The following NCOA2 variants were observed in gnomAD, a reference collection of about 807,000 sequenced individuals.
NCOA2 encodes the protein class E basic helix-loop-helix protein 75.
Under a neutral mutation model 145.1 loss-of-function variants are expected in NCOA2, and 21 were observed. The observed-to-expected ratio is 0.14, with a 90% CI of 0.10 to 0.21. The LOEUF (loss-of-function observed/expected upper bound fraction) is 0.21. Among genes scored for constraint, NCOA2 ranks in the 10% least tolerant of loss-of-function variants. The pLI is 1.00. For synonymous variants in NCOA2, 619 were observed against 637.5 expected (o/e 0.97, Z 0.44); for missense variants, 1,472 against 1,837.6 (o/e 0.80, Z 3.64).
chr8:70,242,588 G>A (rs1445726588), intron 2 of NCOA2, among the ~76,000 whole-genome samples: 1 of 152,114 alleles, frequency 6.6e-6, no homozygotes, highest in Non-Finnish European at 1.5e-5. Context: ...AATTTTTAGA[G>A]CAAATCCTAT....
At position 70,148,427 on chromosome 8, in the gene NCOA2, T is replaced by A; in HGVS notation, c.2451A>T (p.Gln817His). Residue 817 changes from glutamine to histidine, a missense_variant, in exon 12 of 23, where the codon CAA becomes CAT. This residue lies in a region of NCOA2 where 953 missense variants were observed against 1,062.1 expected (regional missense o/e 0.90). Transcript: ENST00000452400. ...EEILDDLQNS[Q>H]LPQLFPDTRP... Reference sequence around the variant, plus strand: ...TCGTGTCTGGGAAAAGCTGTGGTAATTGACTATTCTGCAAATCATCCAAAA... The same window carrying A: ...TCGTGTCTGGGAAAAGCTGTGGTAAATGACTATTCTGCAAATCATCCAAAA... 1 of 1,613,882 alleles carries A rather than the reference T, an allele frequency of 6.2e-7. No individual in the cohort carries two copies. Among genetic ancestry groups the A allele is most frequent in the South Asian group, 1.1e-5 (1 of 91,080 alleles).
At chr8:70,347,255 C>G (rs955121551) in intron 1 of NCOA2, among the ~76,000 whole-genome samples, 8 of 151,972 alleles carry the variant, frequency 5.3e-5, no homozygotes, top group African/African-American at 1.9e-4. Context: ...GAGGCTGAAG[C>G]AGACAGATCA....
At chr8:70,193,327 T>C (rs565005332) in intron 4 of NCOA2, among the ~76,000 whole-genome samples, 12 of 152,228 alleles carry the variant, frequency 7.9e-5, no homozygotes, top group African/African-American at 2.9e-4. Context: ...ATACCCTCCA[T>C]TCTGAACAAT....
At chr8:70,389,497 C>T (rs908767748) in intron 1 of NCOA2, among the ~76,000 whole-genome samples, 11 of 152,090 alleles carry the variant, frequency 7.2e-5, no homozygotes, top group African/African-American at 2.7e-4. Context: ...TCAGGCTGGT[C>T]TCGAACTCCC....
At chr8:70,214,292 A>G (rs1345423687) in intron 3 of NCOA2, among the ~76,000 whole-genome samples, 1 of 152,186 alleles carries the variant, frequency 6.6e-6, no homozygotes, top group Non-Finnish European at 1.5e-5. Flanking sequence ...TATCTGTTCA[A>G]TGTGTTTGGC....
chr8:70,425,997 C>T, the NCOA2 span, among the ~76,000 whole-genome samples: 1 of 152,200 alleles, frequency 6.6e-6, no homozygotes, highest in South Asian at 2.1e-4. Context: ...GGATCACTGT[C>T]TTCATTTCCC....
In NCOA2 at chr8:70,128,892, G is replaced by A. The variant is rs1407543180; in HGVS notation, c.3413C>T (p.Ala1138Val). 3.7e-6 allele frequency: 6 copies of A among 1,613,780 alleles called. No individual in the cohort carries two copies. The highest frequency in any genetic ancestry group is 5.1e-6 in the Non-Finnish European group (6 of 1,179,778). ...ACCCTGGGCCATTTGTGCCTGAGATGCATACTGCTGTGGGAAAACGGGCGC... is the reference window on the plus strand; with the variant it reads ...ACCCTGGGCCATTTGTGCCTGAGATACATACTGCTGTGGGAAAACGGGCGC... The part of the protein sequence containing the change: ...QKAPVFPQQY[A>V]SQAQMAQGSY... The change falls in exon 17 of 23, where the codon GCA becomes GTA. Residue 1138 changes from alanine (A) to valine (V), a missense_variant. This residue lies in a region of NCOA2 where 953 missense variants were observed against 1,062.1 expected (regional missense o/e 0.90). Transcript: ENST00000452400.
At chr8:70,220,221 A>G (rs1040607334) in intron 2 of NCOA2, among the ~76,000 whole-genome samples, 1 of 152,226 alleles carries the variant, frequency 6.6e-6, no homozygotes, top group Non-Finnish European at 1.5e-5. Flanking sequence ...ATAGTTTCTT[A>G]TAATTTCTGC....
At chr8:70,299,375 T>C (rs987709170) in intron 1 of NCOA2, among the ~76,000 whole-genome samples, 4 of 152,172 alleles carry the variant, frequency 2.6e-5, no homozygotes, top group Non-Finnish European at 4.4e-5. Flanking sequence ...TGGGGATATC[T>C]GCAAAATAAT....
chr8:70,408,345 T>C (rs139090061), upstream of NCOA2, among the ~76,000 whole-genome samples: 5 of 152,358 alleles, frequency 3.3e-5, no homozygotes, highest in African/African-American at 1.2e-4. Context: ...ATTGTATTTC[T>C]TCTGTATGTT....
intron 1 of NCOA2, among the ~76,000 whole-genome samples, chr8:70,334,937 G>C: frequency 6.6e-6 from 1 of 151,526 alleles, no homozygotes; most frequent in South Asian, 2.1e-4. Flanking sequence ...CAGCCTGACC[G>C]ACACGGTGAA....
chr8:70,147,110 T>G (rs999458159), intron 12 of NCOA2, among the ~76,000 whole-genome samples: 2 of 149,482 alleles, frequency 1.3e-5, no homozygotes, highest in Admixed American at 6.6e-5. Context: ...TGCAAATCTT[T>G]CGCGCGCGCG....
intron 1 of NCOA2, among the ~76,000 whole-genome samples, chr8:70,383,972 T>G (rs1405787271): frequency 6.6e-6 from 1 of 152,234 alleles, no homozygotes; most frequent in East Asian, 1.9e-4. Flanking sequence ...TCAGGGAATT[T>G]AGCTATACCA....
chr8:70,264,844 C>G (rs376358272), intron 2 of NCOA2, among the ~76,000 whole-genome samples: 24 of 151,586 alleles, frequency 1.6e-4, no homozygotes, highest in Non-Finnish European at 2.8e-4. Context: ...AAAAAAAAAC[C>G]CATAATGTTA....
intron 6 of NCOA2, among the ~76,000 whole-genome samples, chr8:70,169,359 T>C (rs984829249): frequency 3.3e-5 from 5 of 152,210 alleles, no homozygotes; most frequent in Admixed American, 6.5e-5. Flanking sequence ...CAGGGCCCAC[T>C]GGAGAGTCTG....
intron 1 of NCOA2, among the ~76,000 whole-genome samples, chr8:70,364,963 C>T (rs1010149069): frequency 1.3e-5 from 2 of 151,724 alleles, no homozygotes; most frequent in Admixed American, 1.3e-4. Flanking sequence ...TTACAATGGC[C>T]GAGTGATGTG....
At chr8:70,366,667 G>T (rs1810718766) in intron 1 of NCOA2, among the ~76,000 whole-genome samples, 1 of 150,492 alleles carries the variant, frequency 6.6e-6, no homozygotes, top group Admixed American at 6.6e-5. Context: ...TCCATTGCCG[G>T]CATAAGTTAT....
At chr8:70,414,077 C>A in the NCOA2 span, among the ~76,000 whole-genome samples, 3 of 152,320 alleles carry the variant, frequency 2.0e-5, no homozygotes, top group Middle Eastern at 6.8e-3. Flanking sequence ...TCTATAATAA[C>A]TGTTTTACTT....
At chr8:70,219,689 GA>G (rs1819972455) in intron 2 of NCOA2, among the ~76,000 whole-genome samples, 1 of 152,066 alleles carries the variant, frequency 6.6e-6, no homozygotes, top group Non-Finnish European at 1.5e-5. Context: ...GAGGAGGGTG[GA>G]GGGGGGGCAG....
Sources: allele counts gnomAD v4.1 joint callset (sites outside exome capture counted in the v4.1 genomes callset), GRCh38; gene constraint gnomAD v4.1.1; regional missense constraint gnomAD v4.1.1; transcripts MANE v1.5; gene names NCBI Gene and HGNC (gene_info 2026-07-23, HGNC 2026-07-21).